The following GALNT13 variants were observed in gnomAD, a reference collection of about 807,000 sequenced individuals.
The protein encoded by GALNT13 is UDP-GalNAc:polypeptide N-acetylgalactosaminyltransferase 13.
GALNT13 carries 28 observed loss-of-function variants against 64.2 expected under a neutral mutation model. The observed-to-expected ratio is 0.44, with a 90% confidence interval of 0.32 to 0.60. The LOEUF (loss-of-function observed/expected upper bound fraction) is 0.60. Ranked by LOEUF, GALNT13 falls within the 20% of genes least tolerant of loss-of-function variation. GALNT13 has a pLI of 0.05. For synonymous variants in GALNT13, 214 were observed against 224.6 expected (o/e 0.95, Z 0.42); for missense variants, 577 against 669.8 (o/e 0.86, Z 1.53).
intron 2 of GALNT13, among the ~76,000 whole-genome samples, chr2:153,938,826 A>C (rs530664726): frequency 6.6e-6 from 1 of 152,080 alleles, no homozygotes; most frequent in Non-Finnish European, 1.5e-5. Flanking sequence ...TTGTCTAATT[A>C]CCTTTTTAAA....
chr2:153,297,187 CTG>C, the GALNT13 span, among the ~76,000 whole-genome samples: 7 of 152,162 alleles, frequency 4.6e-5, no homozygotes, highest in Non-Finnish European at 1.0e-4. Flanking sequence ...AAAGAAGAGA[CTG>C]TGTTACATTA....
At chr2:153,853,004 G>A in the GALNT13 span, among the ~76,000 whole-genome samples, 2 of 152,124 alleles carry the variant, frequency 1.3e-5, no homozygotes, top group East Asian at 1.9e-4. Flanking sequence ...AACCTCAAAA[G>A]TAGGGAAGCC....
the GALNT13 span, among the ~76,000 whole-genome samples, chr2:153,552,928 G>C: frequency 1.2e-3 from 180 of 152,214 alleles, no homozygotes; most frequent in African/African-American, 4.1e-3. Flanking sequence ...TCTGACAGGA[G>C]GTGGAAGCTC....
At chr2:154,092,099 A>G (rs1262654957) in intron 3 of GALNT13, among the ~76,000 whole-genome samples, 1 of 150,790 alleles carries the variant, frequency 6.6e-6, no homozygotes, top group Non-Finnish European at 1.5e-5. Flanking sequence ...AAAAAAAAAA[A>G]AAGCTATAAT....
chr2:153,338,163 A>G, the GALNT13 span, among the ~76,000 whole-genome samples: 1 of 152,192 alleles, frequency 6.6e-6, no homozygotes, highest in African/African-American at 2.4e-5. Flanking sequence ...CATGGTGGCA[A>G]ACAGTGGTAG....
At chr2:154,428,369 A>G (rs1292950449) in intron 11 of GALNT13, among the ~76,000 whole-genome samples, 3 of 152,232 alleles carry the variant, frequency 2.0e-5, no homozygotes, top group Non-Finnish European at 4.4e-5. Flanking sequence ...CTTTTATAGT[A>G]AATATTGTCC....
At chr2:153,962,653 T>C (rs117021905) in intron 3 of GALNT13, among the ~76,000 whole-genome samples, 1 of 152,318 alleles carries the variant, frequency 6.6e-6, no homozygotes, top group East Asian at 1.9e-4. Context: ...AAGGAACTTA[T>C]TTCCAAAATC....
At chr2:153,587,075 T>C in the GALNT13 span, among the ~76,000 whole-genome samples, 1 of 151,324 alleles carries the variant, frequency 6.6e-6, no homozygotes, top group South Asian at 2.1e-4. Context: ...CTACTAAAAA[T>C]ACAAAAAAAT....
At chr2:154,143,132 C>G (rs1574588363) in intron 4 of GALNT13, among the ~76,000 whole-genome samples, 1 of 152,130 alleles carries the variant, frequency 6.6e-6, no homozygotes. Context: ...CGAAACTGTT[C>G]TAACTCAGTT....
At chr2:153,466,452 T>TC in the GALNT13 span, among the ~76,000 whole-genome samples, 2 of 150,548 alleles carry the variant, frequency 1.3e-5, no homozygotes, top group South Asian at 4.2e-4. Flanking sequence ...TTCTAGTTGT[T>TC]TTTTTTTTAA....
chr2:154,106,124 G>C lies in GALNT13; in HGVS notation c.143-34213G>C, dbSNP rs564077003. Among the ~76,000 whole-genome samples the C allele has an allele frequency of 5.3e-5, 8 of 152,206 alleles. No homozygotes were observed. The South Asian group carries it at 1.7e-3, about 32-fold the overall frequency. On this transcript the variant is annotated intron_variant, in intron 3 of 12. Transcript: ENST00000392825. ...TAGGTTTTGCAGTTATGTCCTCACT[G>C]TCAGTGGCTTGTCTTTTTATTCTTT...
At chr2:154,065,582 G>A (rs1192572252) in intron 3 of GALNT13, among the ~76,000 whole-genome samples, 2 of 152,282 alleles carry the variant, frequency 1.3e-5, no homozygotes, top group East Asian at 3.9e-4. Context: ...TGGTAATCCA[G>A]AGAATTCTTT....
chr2:153,324,698 T>C, the GALNT13 span, among the ~76,000 whole-genome samples: 1 of 152,342 alleles, frequency 6.6e-6, no homozygotes, highest in South Asian at 2.1e-4. Flanking sequence ...TGAAGTGGTG[T>C]TGAATTTTAT....
intron 3 of GALNT13, among the ~76,000 whole-genome samples, chr2:154,111,192 G>A (rs1426102612): frequency 6.6e-6 from 1 of 152,156 alleles, no homozygotes; most frequent in Non-Finnish European, 1.5e-5. Flanking sequence ...CCTTCAGCAA[G>A]TACCTCAGCA....
At chr2:153,219,711 C>A in the GALNT13 span, among the ~76,000 whole-genome samples, 3 of 152,186 alleles carry the variant, frequency 2.0e-5, no homozygotes, top group Non-Finnish European at 4.4e-5. Flanking sequence ...AGTTATCACA[C>A]ATGATCATTT....
chr2:154,127,865 CATATG>C (rs1195593984), intron 3 of GALNT13, among the ~76,000 whole-genome samples: 1 of 151,190 alleles, frequency 6.6e-6, no homozygotes, highest in African/African-American at 2.4e-5. Context: ...TATACATAAA[CATATG>C]ATATGTTTAT....
the GALNT13 span, among the ~76,000 whole-genome samples, chr2:153,754,219 G>A: frequency 6.6e-6 from 1 of 152,128 alleles, no homozygotes; most frequent in Non-Finnish European, 1.5e-5. Flanking sequence ...AGTACCTAAG[G>A]TGCAAGACAA....
chr2:153,507,699 C>A, the GALNT13 span, among the ~76,000 whole-genome samples: 1 of 152,164 alleles, frequency 6.6e-6, no homozygotes, highest in African/African-American at 2.4e-5. Flanking sequence ...GGTTTGGATT[C>A]ATTGCTGGTG....
At chr2:154,114,976 G>C (rs1010880464) in intron 3 of GALNT13, among the ~76,000 whole-genome samples, 1 of 152,196 alleles carries the variant, frequency 6.6e-6, no homozygotes, top group East Asian at 1.9e-4. Flanking sequence ...TTGAGTGACT[G>C]TGGTTCCCAC....
Sources: allele counts gnomAD v4.1 joint callset (sites outside exome capture counted in the v4.1 genomes callset), GRCh38; gene constraint gnomAD v4.1.1; transcripts MANE v1.5; gene names NCBI Gene and HGNC (gene_info 2026-07-23, HGNC 2026-07-21).